The following SEMA3D variants were observed in gnomAD, a reference collection of about 807,000 sequenced individuals.
SEMA3D encodes semaphorin-3D.
A neutral mutation model predicts 100.1 loss-of-function variants in SEMA3D; 84 were observed. The ratio of observed to expected loss-of-function variants is 0.84; its 90% CI spans 0.70 to 1.01. The LOEUF (loss-of-function observed/expected upper bound fraction) is 1.01. SEMA3D is among the 50% of genes least tolerant of loss of function. The pLI is 0.00. For synonymous variants in SEMA3D, 312 were observed against 320.7 expected (o/e 0.97, Z 0.29); for missense variants, 875 against 934.1 (o/e 0.94, Z 0.82).
At chr7:85,095,394 A>AT (rs3214235) in intron 4 of SEMA3D, among the ~76,000 whole-genome samples, 37,105 of 150,252 alleles carry the variant, frequency 0.25, 4,788 homozygotes, top group East Asian at 0.38. Flanking sequence ...TTTTCTACAG[A>AT]TTTTTTTTTT....
At chr7:85,243,065 C>T in the SEMA3D span, among the ~76,000 whole-genome samples, 1 of 152,176 alleles carries the variant, frequency 6.6e-6, no homozygotes, top group Non-Finnish European at 1.5e-5. Flanking sequence ...AGTTCTGCTT[C>T]AGTCCCCCAC....
rs560746209 is a variant in SEMA3D, at chr7:85,133,252, C to A, written c.-40-11321G>T. Among the ~76,000 whole-genome samples the A allele has an allele frequency of 1.8e-4, 28 of 152,042 alleles. No homozygotes were observed. In the South Asian group the frequency reaches 3.3e-3, roughly 18 times the overall value. ...TCTATCAACATAGTAGTATCAGTTT[C>A]TGAGCTGTGTTTAGTCTCATCCTTA... is the stretch of plus-strand genomic sequence containing the variant. On this transcript the variant is annotated intron_variant, in intron 2 of 18. Coordinates refer to ENST00000284136, the MANE Select transcript of SEMA3D (RefSeq NM_001384900.1).
In SEMA3D at chr7:84,998,737, A is replaced by G. The variant is rs1248473959; in HGVS notation, c.*703T>C. 6.6e-6 allele frequency: 1 copy of G among 152,284 alleles called. No homozygotes were observed. The highest frequency in any genetic ancestry group is 1.5e-5 in the Non-Finnish European group (1 of 68,128). The allele number at this position is 152,284 out of a possible 1,614,324, so 9.4% of individuals were successfully genotyped here. On this transcript the variant is annotated 3_prime_UTR_variant, in exon 19 of 19. Coordinates refer to ENST00000284136, the MANE Select transcript of SEMA3D (RefSeq NM_001384900.1). ...ATTCTGTCCCTGTAGAGCTTAGTAT[A>G]TACTCTAAAAAACACATAACTAAGC...
the SEMA3D span, among the ~76,000 whole-genome samples, chr7:85,219,550 A>G: frequency 1.3e-5 from 2 of 152,066 alleles, no homozygotes; most frequent in Non-Finnish European, 2.9e-5. Context: ...GAATATATAT[A>G]GTAAAATTAA....
At chr7:85,181,991 T>C (rs972995153) in intron 1 of SEMA3D, among the ~76,000 whole-genome samples, 16 of 152,242 alleles carry the variant, frequency 1.1e-4, no homozygotes, top group Non-Finnish European at 2.2e-4. Flanking sequence ...AAATGTCTAC[T>C]AATCTTAATA....
intron 3 of SEMA3D, among the ~76,000 whole-genome samples, chr7:85,116,650 G>T (rs147663685): frequency 3.0e-4 from 46 of 151,750 alleles, no homozygotes; most frequent in African/African-American, 1.0e-3. Flanking sequence ...AAGTATTTAT[G>T]GTTATTGTTT....
intron 9 of SEMA3D, among the ~76,000 whole-genome samples, chr7:85,053,727 T>C (rs759744368): frequency 1.3e-4 from 20 of 152,058 alleles, no homozygotes; most frequent in Admixed American, 3.3e-4. Flanking sequence ...CAATGGATCA[T>C]ATGTATAGTG....
At chr7:85,096,980 TG>T (rs1468247904) in intron 4 of SEMA3D, among the ~76,000 whole-genome samples, 1 of 151,760 alleles carries the variant, frequency 6.6e-6, no homozygotes, top group African/African-American at 2.4e-5. Context: ...CTGACAAAGA[TG>T]GGTTAAAAAG....
intron 1 of SEMA3D, among the ~76,000 whole-genome samples, chr7:85,180,719 A>C (rs536428721): frequency 6.6e-6 from 1 of 152,324 alleles, no homozygotes; most frequent in African/African-American, 2.4e-5. Flanking sequence ...TACATTATTC[A>C]GATTCTCTTT....
intron 8 of SEMA3D, among the ~76,000 whole-genome samples, chr7:85,062,482 G>A (rs993388104): frequency 6.6e-6 from 1 of 152,100 alleles, no homozygotes; most frequent in Non-Finnish European, 1.5e-5. Flanking sequence ...AGAGGAAGAA[G>A]AGGAAGGAAT....
intron 17 of SEMA3D, among the ~76,000 whole-genome samples, chr7:85,010,299 G>T: frequency 6.6e-6 from 1 of 151,920 alleles, no homozygotes; most frequent in South Asian, 2.1e-4. Flanking sequence ...AAAGCTTTCC[G>T]GTTTTTCACC....
Position 85,060,930 on chromosome 7 carries a change from T to C in SEMA3D, c.718+4494A>G, listed in dbSNP as rs372851636. On this transcript the variant is annotated intron_variant, in intron 8 of 18. Transcript: ENST00000284136. ...AAGAAAGAAAACAAAAACATCTGCA[T>C]GCATCTGAGGCGTTATTGTTCGCTT... 1.2e-4 allele frequency among the ~76,000 whole-genome samples: 18 copies of C among 152,312 alleles called. No individual in the cohort carries two copies. In the East Asian group the frequency reaches 1.5e-3, roughly 13 times the overall value.
At chr7:85,003,213 T>TTTAC (rs753155566) in intron 18 of SEMA3D, among the ~76,000 whole-genome samples, 44 of 151,850 alleles carry the variant, frequency 2.9e-4, no homozygotes, top group Non-Finnish European at 4.4e-4. Context: ...TTTATCAGAG[T>TTTAC]TTACTTACAT....
chr7:85,032,592 AAC>A (rs764683920), intron 12 of SEMA3D, among the ~76,000 whole-genome samples: 2 of 152,098 alleles, frequency 1.3e-5, no homozygotes, highest in Non-Finnish European at 2.9e-5. Context: ...TCACTATACT[AAC>A]ACAAAATCAA....
chr7:85,106,336 T>A (rs1788919530), intron 3 of SEMA3D, among the ~76,000 whole-genome samples: 1 of 152,170 alleles, frequency 6.6e-6, no homozygotes, highest in African/African-American at 2.4e-5. Context: ...GTATATAAAT[T>A]TAATGTAGAA....
intron 6 of SEMA3D, among the ~76,000 whole-genome samples, chr7:85,072,157 C>G (rs559156418): frequency 6.6e-6 from 1 of 152,232 alleles, no homozygotes; most frequent in South Asian, 2.1e-4. Context: ...AACACAAGGA[C>G]AGTAAACTAA....
chr7:85,206,262 A>G, the SEMA3D span, among the ~76,000 whole-genome samples: 1 of 152,100 alleles, frequency 6.6e-6, no homozygotes, highest in African/African-American at 2.4e-5. Flanking sequence ...TTCTCCATGA[A>G]CTGGAAATTA....
the SEMA3D span, among the ~76,000 whole-genome samples, chr7:85,223,799 T>C: frequency 1.3e-5 from 2 of 151,884 alleles, no homozygotes; most frequent in Non-Finnish European, 2.9e-5. Context: ...AGACTACACA[T>C]TGGGTACAGT....
chr7:85,179,978 T>A (rs1791355777), intron 1 of SEMA3D, among the ~76,000 whole-genome samples: 1 of 152,106 alleles, frequency 6.6e-6, no homozygotes, highest in Admixed American at 6.5e-5. Context: ...GACTTTTGAG[T>A]TAATGCTGAA....
Sources: gnomAD v4.1 joint callset for allele counts (sites outside exome capture counted in the v4.1 genomes callset) on GRCh38, gnomAD v4.1.1 for gene constraint, MANE v1.5 for transcripts, NCBI Gene and HGNC (gene_info 2026-07-23, HGNC 2026-07-21) for gene names.